Variants in PXDNL observed in about 807,000 individuals in gnomAD.
The protein encoded by PXDNL is peroxidasin like.
Under a neutral mutation model 150.8 loss-of-function variants are expected in PXDNL, and 145 were observed. That is an observed-to-expected ratio of 0.96 (90% CI 0.84 to 1.10). The LOEUF is 1.10. PXDNL is among the 50% of genes least tolerant of loss of function. The probability of loss-of-function intolerance (pLI) is 0.00; values close to 1 mark genes in which losing one functional copy is unlikely to be tolerated. For missense variants in PXDNL, 2,087 were observed against 1,873.9 expected (o/e 1.11, Z -2.10); for synonymous variants, 757 against 725.7 (o/e 1.04, Z -0.69).
chr8:51,423,605 C>A lies in PXDNL; in HGVS notation c.1765G>T (p.Ala589Ser), dbSNP rs781111172. ...ACTGTAAGAAACATGTTGGTCACAG[C>A]AAGGCCAAAAGAATTCCGAGCCACA... Reference protein sequence around the residue: ...ECVARNSFGLAVTNMFLTVTA... With the variant: ...ECVARNSFGLSVTNMFLTVTA... The change falls in exon 14 of 23, where the codon GCT becomes TCT. Residue 589 changes from alanine (A) to serine (S), a missense_variant. Coordinates refer to ENST00000356297, the MANE Select transcript of PXDNL (RefSeq NM_144651.5). 4 of 1,613,714 alleles carry A rather than the reference C, an allele frequency of 2.5e-6. No individual in the cohort carries two copies. Among genetic ancestry groups the A allele is most frequent in the Non-Finnish European group, 3.4e-6 (4 of 1,179,778 alleles).
At chr8:51,800,394 A>T (rs2037605688) in intron 1 of PXDNL, among the ~76,000 whole-genome samples, 1 of 152,186 alleles carries the variant, frequency 6.6e-6, no homozygotes, top group African/African-American at 2.4e-5. Flanking sequence ...CACGTGGTAT[A>T]TTCCCTGATT....
chr8:51,342,052 A>G (rs188426197), intron 20 of PXDNL, among the ~76,000 whole-genome samples: 13 of 152,342 alleles, frequency 8.5e-5, no homozygotes, highest in Non-Finnish European at 1.3e-4. Context: ...TGGAAACAAT[A>G]TAAGTGTCCA....
chr8:51,441,622 T>A (rs1195924393), intron 12 of PXDNL, among the ~76,000 whole-genome samples: 1 of 152,212 alleles, frequency 6.6e-6, no homozygotes, highest in African/African-American at 2.4e-5. Context: ...CTAATATACA[T>A]TCTCCATGAA....
In PXDNL at chr8:51,759,453, G is replaced by T. The variant is rs569719116; in HGVS notation, c.164+49728C>A. Among the ~76,000 whole-genome samples, 23 of 152,172 alleles carry T rather than the reference G, an allele frequency of 1.5e-4. 2 individuals are homozygous for T. The South Asian group carries it at 4.8e-3, about 32-fold the overall frequency. On this transcript the variant is annotated intron_variant, in intron 1 of 22. Transcript: ENST00000356297. Reference sequence around the variant, plus strand: ...ACTCTGTATTTAATCATTTTCTCTTGATTATCTATGTCCCCGATTTGAGTG... The same window carrying T: ...ACTCTGTATTTAATCATTTTCTCTTTATTATCTATGTCCCCGATTTGAGTG...
chr8:51,402,225 A>G (rs560950148), intron 17 of PXDNL, among the ~76,000 whole-genome samples: 1 of 152,338 alleles, frequency 6.6e-6, no homozygotes, highest in East Asian at 1.9e-4. Context: ...AATATGAGCT[A>G]TTCTTTTAAG....
At chr8:51,472,339 G>T in intron 7 of PXDNL, 35 bp from the exon 8 acceptor site, 1 of 1,515,792 alleles carries the variant, frequency 6.6e-7, no homozygotes, top group Non-Finnish European at 9.1e-7. Flanking sequence ...ATTTTTCAGA[G>T]ATACAAAATT....
At chr8:51,704,630 G>A (rs1816323808) in intron 1 of PXDNL, among the ~76,000 whole-genome samples, 1 of 152,182 alleles carries the variant, frequency 6.6e-6, no homozygotes, top group South Asian at 2.1e-4. Flanking sequence ...GCTCCACATG[G>A]ATGACCACAC....
chr8:51,675,164 T>C (rs1375022566), intron 1 of PXDNL, among the ~76,000 whole-genome samples: 4 of 152,182 alleles, frequency 2.6e-5, no homozygotes, highest in African/African-American at 9.7e-5. Flanking sequence ...GCACTGTTGC[T>C]CCCCTTTTCG....
chr8:51,619,529 G>C (rs34430723), intron 2 of PXDNL, among the ~76,000 whole-genome samples: 18 of 151,934 alleles, frequency 1.2e-4, no homozygotes, highest in African/African-American at 3.6e-4. Context: ...ATTAGATCAC[G>C]GGGGTGGATT....
intron 3 of PXDNL, among the ~76,000 whole-genome samples, chr8:51,583,021 A>G (rs1342588063): frequency 1.3e-5 from 2 of 152,218 alleles, no homozygotes; most frequent in African/African-American, 4.8e-5. Flanking sequence ...TCTGAAAAAT[A>G]TGGTTGTCAC....
At chr8:51,712,059 A>G (rs997135466) in intron 1 of PXDNL, among the ~76,000 whole-genome samples, 7 of 152,238 alleles carry the variant, frequency 4.6e-5, no homozygotes, top group African/African-American at 1.7e-4. Flanking sequence ...AGCAGGGAAG[A>G]AATGCAACAA....
intron 1 of PXDNL, among the ~76,000 whole-genome samples, chr8:51,804,121 G>T (rs1446671655): frequency 6.6e-6 from 1 of 152,212 alleles, no homozygotes; most frequent in African/African-American, 2.4e-5. Context: ...ACATCAATCA[G>T]TTTATGTAAG....
rs5891411 is a variant in PXDNL at position 51,429,687 on chromosome 8, C to CTT, written c.1526-2931_1526-2930dup. Among the ~76,000 whole-genome samples the CTT allele has an allele frequency of 2.5e-3, 317 of 125,354 alleles. 5 individuals carry two copies. The highest frequency in any genetic ancestry group is 7.8e-3 in the African/African-American group (264 of 33,642). 82.2% of individuals were successfully genotyped at this position (125,354 alleles called of 152,430 possible). A position where few individuals can be genotyped will look rare whatever the true frequency, so the allele number is the denominator to read the frequency against. ...CTTCCTCGTGTTCTTTTTTTCCTTTCTTTTTTTTTTTTTTTTTTTATGAGA... is the reference window on the plus strand; with the variant it reads ...CTTCCTCGTGTTCTTTTTTTCCTTTCTTTTTTTTTTTTTTTTTTTTTATGAGA... On this transcript the variant is annotated intron_variant, in intron 12 of 22. Transcript: ENST00000356297.
chr8:51,670,599 T>C (rs1402881029), intron 1 of PXDNL, among the ~76,000 whole-genome samples: 1 of 152,228 alleles, frequency 6.6e-6, no homozygotes, highest in Non-Finnish European at 1.5e-5. Flanking sequence ...CACCATCATA[T>C]GTGGCTCATC....
chr8:51,388,353 G>T (rs569786039), intron 17 of PXDNL, among the ~76,000 whole-genome samples: 1 of 152,112 alleles, frequency 6.6e-6, no homozygotes, highest in African/African-American at 2.4e-5. Context: ...ATATTAATCA[G>T]TCTTTTTTTC....
chr8:51,616,351 A>G (rs1309603042), intron 2 of PXDNL, among the ~76,000 whole-genome samples: 4 of 152,090 alleles, frequency 2.6e-5, no homozygotes, highest in Non-Finnish European at 1.5e-5. Flanking sequence ...ACCAAGGCCC[A>G]CTCTGGGATC....
At chr8:51,345,105 G>T (rs2130698886) in intron 20 of PXDNL, among the ~76,000 whole-genome samples, 1 of 152,278 alleles carries the variant, frequency 6.6e-6, no homozygotes, top group Non-Finnish European at 1.5e-5. Flanking sequence ...AGGATACATG[G>T]TTCCTTGAAA....
At chr8:51,404,924 TG>T (rs1169754464) in intron 17 of PXDNL, among the ~76,000 whole-genome samples, 1 of 152,076 alleles carries the variant, frequency 6.6e-6, no homozygotes, top group Admixed American at 6.5e-5. Flanking sequence ...CGGCAAGGGT[TG>T]GGGGAGGCTC....
chr8:51,452,537 G>C (rs1454208778), intron 10 of PXDNL, among the ~76,000 whole-genome samples: 2 of 152,194 alleles, frequency 1.3e-5, no homozygotes, highest in Non-Finnish European at 2.9e-5. Context: ...GACTAGGCTG[G>C]AGGAAGCCTT....
Sources: gnomAD v4.1 joint callset for allele counts (sites outside exome capture counted in the v4.1 genomes callset) on GRCh38, gnomAD v4.1.1 for gene constraint, MANE v1.5 for transcripts, NCBI Gene and HGNC (gene_info 2026-07-23, HGNC 2026-07-21) for gene names.